Variants in RFX3 observed in about 807,000 individuals in gnomAD.
RFX3 encodes regulatory factor X3, also known as transcription factor RFX3.
A neutral mutation model predicts 98.6 loss-of-function variants in RFX3; 14 were observed. That is an observed-to-expected ratio of 0.14 (90% CI 0.09 to 0.22). RFX3 has a LOEUF of 0.22. Among genes scored for constraint, RFX3 ranks in the 10% least tolerant of loss-of-function variants. The pLI, the probability that RFX3 is intolerant of heterozygous loss-of-function variation, is 1.00. For missense variants in RFX3, 639 were observed against 926.9 expected (o/e 0.69, Z 4.03); for synonymous variants, 383 against 328.4 (o/e 1.17, Z -1.80).
At position 3,224,959 on chromosome 9, in the gene RFX3, G is replaced by A. The variant is rs1186967250; in HGVS notation, c.*83C>T. On this transcript the variant is annotated 3_prime_UTR_variant, in exon 17 of 17. Transcript: ENST00000617270. The stretch of plus-strand genomic sequence containing the variant: ...GCACAGATAGAATTTGACAACAGTC[G>A]ACCTTCAGGCTTATTAAATTTTCAA... 3 of 1,332,430 alleles carry A rather than the reference G, an allele frequency of 2.3e-6. No individual in the cohort carries two copies. The highest frequency in any genetic ancestry group is 2.9e-5 in the African/African-American group (2 of 68,756). The allele number at this position is 1,332,430 out of a possible 1,614,324, so 82.5% of individuals were successfully genotyped here.
chr9:3,399,321 G>GT (rs1564049222), intron 1 of RFX3, among the ~76,000 whole-genome samples: 1 of 150,948 alleles, frequency 6.6e-6, no homozygotes, highest in East Asian at 2.0e-4. Flanking sequence ...GTGGGCACCT[G>GT]TAATCCCAGC....
chr9:3,430,690 G>A (rs1421037481), intron 1 of RFX3, among the ~76,000 whole-genome samples: 1 of 151,844 alleles, frequency 6.6e-6, no homozygotes, highest in Non-Finnish European at 1.5e-5. Flanking sequence ...TCAATGTAAT[G>A]TTGACCCTTG....
intron 1 of RFX3, among the ~76,000 whole-genome samples, chr9:3,398,808 G>A (rs1384304192): frequency 6.8e-6 from 1 of 147,566 alleles, no homozygotes; most frequent in African/African-American, 2.5e-5. Flanking sequence ...TCAAACACAT[G>A]CAAGAATGTA....
At chr9:3,353,956 GA>G (rs911399763) in intron 2 of RFX3, among the ~76,000 whole-genome samples, 3 of 151,712 alleles carry the variant, frequency 2.0e-5, no homozygotes, top group East Asian at 1.9e-4. Context: ...ACCGTGCTGA[GA>G]AAAAAAGAAA....
chr9:3,251,196 C>G (rs1404711174), intron 14 of RFX3, among the ~76,000 whole-genome samples: 1 of 151,920 alleles, frequency 6.6e-6, no homozygotes, highest in African/African-American at 2.4e-5. Context: ...GATATAATTG[C>G]AAATAAAAAA....
chr9:3,322,310 A>G (rs1196027823), intron 4 of RFX3, among the ~76,000 whole-genome samples: 2 of 152,156 alleles, frequency 1.3e-5, no homozygotes, highest in East Asian at 3.8e-4. Context: ...GGTGTTTTTT[A>G]TTCAGCAATT....
At chr9:3,365,476 C>T (rs1485477671) in intron 2 of RFX3, among the ~76,000 whole-genome samples, 3 of 152,092 alleles carry the variant, frequency 2.0e-5, no homozygotes, top group African/African-American at 7.2e-5. Context: ...ACATTTCATG[C>T]ATGAATTAAA....
At chr9:3,510,610 T>A (rs926941496) in intron 1 of RFX3, among the ~76,000 whole-genome samples, 3 of 152,008 alleles carry the variant, frequency 2.0e-5, no homozygotes, top group Non-Finnish European at 4.4e-5. Context: ...AAAAGCCAAA[T>A]AAAATTATAC....
intron 15 of RFX3, among the ~76,000 whole-genome samples, chr9:3,229,320 A>G (rs1250279326): frequency 6.6e-6 from 1 of 152,228 alleles, no homozygotes; most frequent in Non-Finnish European, 1.5e-5. Flanking sequence ...GAGAAACAAT[A>G]TCCAGCAGTT....
At chr9:3,235,212 G>A (rs1203932918) in intron 15 of RFX3, among the ~76,000 whole-genome samples, 1 of 152,236 alleles carries the variant, frequency 6.6e-6, no homozygotes, top group African/African-American at 2.4e-5. Context: ...CAATTTGGGT[G>A]GCAGGTGAAG....
At position 3,313,597 on chromosome 9, in the gene RFX3, C is replaced by T. The variant is rs776032052; in HGVS notation, c.475-11977G>A. Among the ~76,000 whole-genome samples, 3 of 152,122 alleles carry T rather than the reference C, an allele frequency of 2.0e-5. 1 individual carries two copies. The highest frequency in any genetic ancestry group is 2.0e-4 in the Admixed American group (3 of 15,268). On this transcript the variant is annotated intron_variant, in intron 4 of 16. Transcript: ENST00000617270. ...TCTGAGCTAAAGGAGGATGTTCGAA[C>T]CCATCACAAAGAAGCTAAAAACCTT...
chr9:3,282,775 G>T (rs536426893), intron 7 of RFX3, among the ~76,000 whole-genome samples: 2 of 151,710 alleles, frequency 1.3e-5, no homozygotes, highest in African/African-American at 4.8e-5. Flanking sequence ...GGCTCCATCT[G>T]ATGCCAAGAG....
At chr9:3,499,063 C>T (rs1219477355) in intron 1 of RFX3, among the ~76,000 whole-genome samples, 1 of 152,068 alleles carries the variant, frequency 6.6e-6, no homozygotes, top group South Asian at 2.1e-4. Flanking sequence ...TAAACATACA[C>T]AAATATTCAA....
chr9:3,225,252 C>G lies in RFX3; in HGVS notation c.2040G>C (p.Met680Ile), dbSNP rs767713561. Residue 680 changes from methionine to isoleucine, a missense_variant, in exon 17 of 17, where the codon ATG becomes ATC. Around this residue, in one of 9 missense-constraint regions of RFX3, gnomAD observed 129 missense variants for 124.6 expected, o/e 1.04. Coordinates refer to ENST00000617270, the MANE Select transcript of RFX3 (RefSeq NM_001282116.2). ...CTGAAGAGTCATCCAGTTCTTCATC[C>G]ATTTCACTTTCTACTTCACTGCCTT... is the stretch of plus-strand genomic sequence containing the variant. ...KDEGSEVESE[M>I]DEELDDSSEP... 2 of 1,613,656 alleles carry G rather than the reference C, an allele frequency of 1.2e-6. No homozygotes were observed. Among genetic ancestry groups the G allele is most frequent in the Non-Finnish European group, 1.7e-6 (2 of 1,179,896 alleles).
chr9:3,251,720 A>C (rs991950989), intron 14 of RFX3, among the ~76,000 whole-genome samples: 2 of 152,194 alleles, frequency 1.3e-5, no homozygotes, highest in Admixed American at 1.3e-4. Context: ...ATTATATAAT[A>C]ATACAGAAAA....
chr9:3,426,890 T>A (rs1255134107), intron 1 of RFX3, among the ~76,000 whole-genome samples: 3 of 152,098 alleles, frequency 2.0e-5, no homozygotes, highest in Non-Finnish European at 2.9e-5. Flanking sequence ...GTAATGTATT[T>A]GAATCATTCC....
At chr9:3,502,617 T>C (rs1816150825) in intron 1 of RFX3, among the ~76,000 whole-genome samples, 1 of 152,216 alleles carries the variant, frequency 6.6e-6, no homozygotes, top group Admixed American at 6.5e-5. Context: ...ATTCCAACTC[T>C]AAATCTAACA....
At chr9:3,239,335 T>C (rs183767142) in intron 15 of RFX3, among the ~76,000 whole-genome samples, 20 of 152,352 alleles carry the variant, frequency 1.3e-4, no homozygotes, top group African/African-American at 4.3e-4. Context: ...CTTTTCTATG[T>C]ATCTTTAAAT....
In RFX3 at chr9:3,270,510, T is replaced by C; in HGVS notation, c.1218A>G (p.Ile406Met). The C allele has an allele frequency of 6.2e-7, 1 of 1,613,070 alleles. No individual in the cohort carries two copies. The highest frequency in any genetic ancestry group is 8.5e-7 in the Non-Finnish European group (1 of 1,179,520). Residue 406 changes from isoleucine to methionine, a missense_variant, in exon 11 of 17, where the codon ATA (isoleucine) becomes ATG (methionine). Coordinates refer to ENST00000617270, the MANE Select transcript of RFX3 (RefSeq NM_001282116.2). ...GCTTTGCTTTCGGAAGTCGACTTTC[T>C]ATTTCACTCAGATTGCTGGTGTGAA... The part of the protein sequence containing the change: ...TITESSNLSE[I>M]ESRLPKAKLI...
Sources: allele counts gnomAD v4.1 joint callset (sites outside exome capture counted in the v4.1 genomes callset), GRCh38; gene constraint gnomAD v4.1.1; regional missense constraint gnomAD v4.1.1; transcripts MANE v1.5; gene names NCBI Gene and HGNC (gene_info 2026-07-23, HGNC 2026-07-21).